Variants in ANKH observed in about 807,000 individuals in gnomAD.
ANKH encodes the protein mineralization regulator ANKH.
ANKH carries 15 observed loss-of-function variants against 49.0 expected under a neutral mutation model. That is an observed-to-expected ratio of 0.31 (90% CI 0.20 to 0.47). ANKH has a LOEUF of 0.47. Ranked by LOEUF, ANKH falls within the 20% of genes least tolerant of loss-of-function variation. ANKH has a pLI of 1.00. For missense variants in ANKH, 429 were observed against 652.0 expected (o/e 0.66, Z 3.72); for synonymous variants, 273 against 260.0 (o/e 1.05, Z -0.48).
At chr5:14,827,328 T>C (rs930976906) in intron 1 of ANKH, among the ~76,000 whole-genome samples, 2 of 152,344 alleles carry the variant, frequency 1.3e-5, no homozygotes, top group South Asian at 4.1e-4. Context: ...ACAAACATTT[T>C]AAGTGATCTG....
At chr5:14,749,145 G>A in intron 6 of ANKH, 27 bp downstream of exon 6, 3 of 1,613,866 alleles carry the variant, frequency 1.9e-6, no homozygotes, top group Non-Finnish European at 2.5e-6. Context: ...GTGATCATAA[G>A]CCCCACATCC....
rs889908499 is a variant in ANKH at position 14,789,456 on chromosome 5, A to T, written c.97-20265T>A. On this transcript the variant is annotated intron_variant, in intron 1 of 11. Transcript: ENST00000284268. ...GTTGTGCTCTCAGAATGGTGGTGAT[A>T]AAAAAAAAAAAAAAAGCTAAGCTCC... 2.2e-3 allele frequency among the ~76,000 whole-genome samples: 155 copies of T among 69,498 alleles called. 2 individuals carry two copies. Among genetic ancestry groups the T allele is most frequent in the African/African-American group, 7.5e-3 (145 of 19,384 alleles). The allele number at this position is 69,498 out of a possible 152,430, so 45.6% of individuals were successfully genotyped here. A position where few individuals can be genotyped will look rare whatever the true frequency, so the allele number is the denominator to read the frequency against.
chr5:14,818,785 T>C (rs1271497564), intron 1 of ANKH, among the ~76,000 whole-genome samples: 2 of 152,018 alleles, frequency 1.3e-5, no homozygotes, highest in Non-Finnish European at 2.9e-5. Flanking sequence ...TTGATTCTTT[T>C]ACAAAGAAAT....
intron 1 of ANKH, among the ~76,000 whole-genome samples, chr5:14,830,515 GTGTGTGTGTGTGTGTGTGTGTGTC>G (rs1405622253): frequency 2.7e-4 from 40 of 148,652 alleles, no homozygotes; most frequent in African/African-American, 9.5e-4. Flanking sequence ...GGGGGAGTGT[GTGTGTGTGTGTGTGTGTGTGTGTC>G]TGTGTGTGTG....
intron 1 of ANKH, among the ~76,000 whole-genome samples, chr5:14,775,400 A>G (rs886856783): frequency 6.6e-6 from 1 of 152,180 alleles, no homozygotes; most frequent in Non-Finnish European, 1.5e-5. Context: ...ATAAAATAGG[A>G]CAATTATAAC....
intron 1 of ANKH, among the ~76,000 whole-genome samples, chr5:14,833,935 C>G (rs991131272): frequency 6.6e-6 from 1 of 152,180 alleles, no homozygotes; most frequent in South Asian, 2.1e-4. Context: ...GTTGGCAGCA[C>G]GAAAGAATCA....
chr5:14,846,719 T>C (rs925235264), intron 1 of ANKH, among the ~76,000 whole-genome samples: 9 of 151,948 alleles, frequency 5.9e-5, no homozygotes, highest in African/African-American at 1.7e-4. Context: ...GGGCCAAGGG[T>C]GGTGGCTCAC....
At chr5:14,812,968 T>C (rs1376071467) in intron 1 of ANKH, among the ~76,000 whole-genome samples, 2 of 152,172 alleles carry the variant, frequency 1.3e-5, no homozygotes, top group African/African-American at 4.8e-5. Flanking sequence ...GTAATCATCC[T>C]GGTCATATTA....
At chr5:14,736,256 G>A (rs1458106890) in intron 8 of ANKH, among the ~76,000 whole-genome samples, 1 of 152,072 alleles carries the variant, frequency 6.6e-6, no homozygotes, top group South Asian at 2.1e-4. Context: ...ACCAGTGGAT[G>A]TAGTCTGGGG....
intron 5 of ANKH, among the ~76,000 whole-genome samples, chr5:14,750,017 T>G (rs917377618): frequency 6.6e-6 from 1 of 152,208 alleles, no homozygotes; most frequent in Non-Finnish European, 1.5e-5. Flanking sequence ...TGGCTAAATG[T>G]TAAGAGATGG....
At chr5:14,739,016 T>C (rs1488035380) in intron 8 of ANKH, among the ~76,000 whole-genome samples, 1 of 152,098 alleles carries the variant, frequency 6.6e-6, no homozygotes, top group Non-Finnish European at 1.5e-5. Flanking sequence ...CCCTGCCTCA[T>C]GAAGTTTGGG....
At chr5:14,841,684 C>A (rs1270392979) in intron 1 of ANKH, among the ~76,000 whole-genome samples, 2 of 152,324 alleles carry the variant, frequency 1.3e-5, no homozygotes, top group East Asian at 3.9e-4. Flanking sequence ...ATCTCCGGAA[C>A]CCTTTCTGCC....
At chr5:14,798,488 T>G in intron 1 of ANKH, 1 of 910,960 alleles carries the variant, frequency 1.1e-6, no homozygotes, top group Non-Finnish European at 1.5e-6. Context: ...GCACGCGGTC[T>G]CTATTTTTTT....
At chr5:14,811,957 CT>C (rs775265873) in intron 1 of ANKH, among the ~76,000 whole-genome samples, 1 of 152,066 alleles carries the variant, frequency 6.6e-6, no homozygotes, top group South Asian at 2.1e-4. Context: ...TTAGAAGCAC[CT>C]TTTAGAAGTC....
chr5:14,790,646 C>T (rs373615567), intron 1 of ANKH, among the ~76,000 whole-genome samples: 1 of 152,198 alleles, frequency 6.6e-6, no homozygotes, highest in Non-Finnish European at 1.5e-5. Flanking sequence ...CTCACTCTGT[C>T]GCCCAGGCTG....
rs73050662 is a variant in ANKH at position 14,811,216 on chromosome 5, C to T, written c.97-42025G>A. ...GGCTCTGCCAGTGAAACAAGCTCAG[C>T]CGCTTCATATTCCTTCATATTCCTT... On this transcript the variant is annotated intron_variant, in intron 1 of 11. Coordinates refer to ENST00000284268, the MANE Select transcript of ANKH (RefSeq NM_054027.6). Among the ~76,000 whole-genome samples the T allele has an allele frequency of 4.8e-3, 710 of 148,698 alleles. 4 individuals carry two copies. Among genetic ancestry groups the T allele is most frequent in the African/African-American group, 0.017 (667 of 38,148 alleles).
At chr5:14,732,207 G>A (rs1415118862) in intron 8 of ANKH, among the ~76,000 whole-genome samples, 1 of 152,164 alleles carries the variant, frequency 6.6e-6, no homozygotes, top group African/African-American at 2.4e-5. Context: ...CAGCTTGATG[G>A]AGAACTGGCA....
intron 1 of ANKH, among the ~76,000 whole-genome samples, chr5:14,779,994 G>A (rs1005979660): frequency 6.6e-6 from 1 of 151,460 alleles, no homozygotes; most frequent in Non-Finnish European, 1.5e-5. Context: ...GTCAAATCTT[G>A]TAACAGAAGT....
intron 1 of ANKH, among the ~76,000 whole-genome samples, chr5:14,861,975 C>T (rs779554543): frequency 5.3e-5 from 8 of 152,338 alleles, no homozygotes; most frequent in Non-Finnish European, 1.2e-4. Context: ...GTAGCTCACA[C>T]CTGTAATCCC....
Sources: gnomAD v4.1 joint callset for allele counts (sites outside exome capture counted in the v4.1 genomes callset) on GRCh38, gnomAD v4.1.1 for gene constraint, MANE v1.5 for transcripts, NCBI Gene and HGNC (gene_info 2026-07-23, HGNC 2026-07-21) for gene names.